Variants in SERPINE2 observed in about 807,000 individuals in gnomAD.
SERPINE2 encodes glia-derived nexin.
SERPINE2 carries 14 observed loss-of-function variants against 36.3 expected under a neutral mutation model. The observed-to-expected ratio is 0.39, with a 90% CI of 0.25 to 0.60. The LOEUF (loss-of-function observed/expected upper bound fraction) is 0.60, where lower values mean the gene tolerates loss of function less well. Ranked by LOEUF, SERPINE2 falls within the 20% of genes least tolerant of loss-of-function variation. The probability of loss-of-function intolerance (pLI) is 0.57; values close to 1 mark genes in which losing one functional copy is unlikely to be tolerated. For missense variants in SERPINE2, 418 were observed against 499.6 expected, an observed-to-expected ratio of 0.84 and a Z score of 1.56; for synonymous variants, 192 against 191.8, an observed-to-expected ratio of 1.00 and a Z score of -0.01.
intron 1 of SERPINE2, among the ~76,000 whole-genome samples, chr2:224,015,777 A>T (rs1355097663): frequency 1.3e-5 from 2 of 152,322 alleles, no homozygotes; most frequent in East Asian, 3.9e-4. Flanking sequence ...AAAAACTGAT[A>T]AACTGAAAAA....
rs1690060968 is a variant in SERPINE2, at chr2:223,977,569, C to T, written c.1131G>A (p.Leu377=). ...CTGTAGGATTATGTCGGATGAAAAA[C>T]AGAAAAGGTCTGTCTACTATAAACC... The part of the protein sequence containing the change: ...PPWFIVDRPF[L]FFIRHNPTGA... The change falls in exon 8 of 9, where the codon CTG becomes CTA. Residue 377 remains leucine (L), a synonymous_variant. Transcript: ENST00000409304. The T allele has an allele frequency of 6.2e-7, 1 of 1,612,846 alleles. No homozygotes were observed. Among genetic ancestry groups the T allele is most frequent in the Non-Finnish European group, 8.5e-7 (1 of 1,178,888 alleles).
chr2:224,017,107 C>G (rs1414255818), intron 1 of SERPINE2, among the ~76,000 whole-genome samples: 1 of 152,208 alleles, frequency 6.6e-6, no homozygotes, highest in East Asian at 1.9e-4. Flanking sequence ...AGTAAATGCA[C>G]ACACCCCAGT....
intron 2 of SERPINE2, among the ~76,000 whole-genome samples, chr2:224,001,034 G>A (rs1448685612): frequency 6.6e-6 from 1 of 152,086 alleles, no homozygotes; most frequent in African/African-American, 2.4e-5. Flanking sequence ...GAAGTCCCAC[G>A]TGCCTTTCAC....
intron 1 of SERPINE2, among the ~76,000 whole-genome samples, chr2:224,010,663 T>A (rs1003027412): frequency 6.6e-6 from 1 of 152,218 alleles, no homozygotes; most frequent in Non-Finnish European, 1.5e-5. Flanking sequence ...ACAATCTTCA[T>A]CCGTCTTAGC....
chr2:224,012,308 T>G (rs1691656309), intron 1 of SERPINE2, among the ~76,000 whole-genome samples: 1 of 152,208 alleles, frequency 6.6e-6, no homozygotes. Context: ...GAACAGTTAA[T>G]GACATCCATC....
chr2:224,016,105 G>A (rs1559215059), intron 1 of SERPINE2, among the ~76,000 whole-genome samples: 1 of 152,202 alleles, frequency 6.6e-6, no homozygotes, highest in Non-Finnish European at 1.5e-5. Flanking sequence ...CAGATGAATG[G>A]CTAATACTAG....
At chr2:223,992,888 G>C (rs958728087) in intron 3 of SERPINE2, among the ~76,000 whole-genome samples, 1 of 152,164 alleles carries the variant, frequency 6.6e-6, no homozygotes, top group Non-Finnish European at 1.5e-5. Flanking sequence ...GAGGAGGAAG[G>C]ATCACTTGAG....
intron 2 of SERPINE2, among the ~76,000 whole-genome samples, chr2:223,999,938 T>C (rs1035404940): frequency 1.3e-5 from 2 of 152,176 alleles, no homozygotes; most frequent in African/African-American, 4.8e-5. Flanking sequence ...GTTCCAAGTA[T>C]TTAGTCCTTC....
intron 3 of SERPINE2, among the ~76,000 whole-genome samples, chr2:223,994,891 C>T (rs751697854): frequency 1.8e-4 from 27 of 152,266 alleles, no homozygotes; most frequent in Admixed American, 1.1e-3. Context: ...ATTTTACAGA[C>T]GAGAATGCTG....
chr2:224,031,800 C>T (rs1692390544), intron 1 of SERPINE2, among the ~76,000 whole-genome samples: 1 of 126,400 alleles, frequency 7.9e-6, no homozygotes, highest in African/African-American at 3.0e-5. Context: ...GCCCCTCTTT[C>T]CTCCTCACTG....
At chr2:224,002,409 A>G (rs576173885) in intron 1 of SERPINE2, among the ~76,000 whole-genome samples, 1 of 152,320 alleles carries the variant, frequency 6.6e-6, no homozygotes, top group Non-Finnish European at 1.5e-5. Context: ...GTGGGGAGGG[A>G]AAGGAAGCAA....
intron 1 of SERPINE2, among the ~76,000 whole-genome samples, chr2:224,036,885 G>A (rs1472691126): frequency 6.6e-6 from 1 of 152,058 alleles, no homozygotes; most frequent in Non-Finnish European, 1.5e-5. Flanking sequence ...TAAGAAAAGG[G>A]AGTAACACTC....
At chr2:224,015,287 G>A (rs1013858055) in intron 1 of SERPINE2, among the ~76,000 whole-genome samples, 18 of 152,084 alleles carry the variant, frequency 1.2e-4, no homozygotes, top group African/African-American at 3.6e-4. Flanking sequence ...CTCTGACATC[G>A]AGGAGAGTGT....
At chr2:224,018,934 T>G (rs775148020) in intron 1 of SERPINE2, among the ~76,000 whole-genome samples, 1 of 152,226 alleles carries the variant, frequency 6.6e-6, no homozygotes, top group Non-Finnish European at 1.5e-5. Flanking sequence ...TCTCTCTGCC[T>G]GCACTGCCCC....
chr2:224,028,738 T>C (rs909201353), intron 1 of SERPINE2, among the ~76,000 whole-genome samples: 27 of 152,212 alleles, frequency 1.8e-4, no homozygotes, highest in African/African-American at 6.5e-4. Context: ...ACACTGATGA[T>C]GCATAATTTT....
At chr2:224,009,402 A>G (rs531344287) in intron 1 of SERPINE2, among the ~76,000 whole-genome samples, 35 of 152,300 alleles carry the variant, frequency 2.3e-4, no homozygotes, top group African/African-American at 7.9e-4. Context: ...TCCCAAAGAA[A>G]TAAATGTACA....
intron 1 of SERPINE2, among the ~76,000 whole-genome samples, chr2:224,007,019 T>C (rs1691450367): frequency 6.6e-6 from 1 of 152,236 alleles, no homozygotes. Flanking sequence ...GAACCAGTGC[T>C]GAACAACTGA....
chr2:224,030,391 T>TA (rs1212234799), intron 1 of SERPINE2: 1 of 212,466 alleles, frequency 4.7e-6, no homozygotes, highest in Non-Finnish European at 8.1e-6. Flanking sequence ...TGACAAATAT[T>TA]ACCCAATGCC....
At chr2:224,034,739 G>A (rs1322408244) in intron 1 of SERPINE2, among the ~76,000 whole-genome samples, 2 of 152,168 alleles carry the variant, frequency 1.3e-5, no homozygotes, top group African/African-American at 4.8e-5. Context: ...CATATTTACA[G>A]ACTCCCCACT....
Sources: gnomAD v4.1 joint callset for allele counts (sites outside exome capture counted in the v4.1 genomes callset) on GRCh38, gnomAD v4.1.1 for gene constraint, MANE v1.5 for transcripts, NCBI Gene and HGNC (gene_info 2026-07-23, HGNC 2026-07-21) for gene names.